The following OTOGL variants were observed in gnomAD, a reference collection of about 807,000 sequenced individuals.
OTOGL encodes otogelin like, also known as otogelin-like protein.
In OTOGL, 285 loss-of-function variants were observed where a neutral mutation model predicts 318.5. That is an observed-to-expected ratio of 0.89 (90% CI 0.81 to 0.99). The LOEUF is 0.99. Ranked by LOEUF, OTOGL falls within the 50% of genes least tolerant of loss-of-function variation. The pLI, the probability that OTOGL is intolerant of heterozygous loss-of-function variation, is 0.00. For missense variants in OTOGL, 2,899 were observed against 2,845.6 expected, an observed-to-expected ratio of 1.02 and a Z score of -0.43; for synonymous variants, 987 against 936.5, an observed-to-expected ratio of 1.05 and a Z score of -0.99.
At chr12:80,312,770 T>C (rs1886716523) in intron 30 of OTOGL, among the ~76,000 whole-genome samples, 1 of 152,094 alleles carries the variant, frequency 6.6e-6, no homozygotes, top group East Asian at 1.9e-4. Flanking sequence ...ACCTAAAAAA[T>C]AAAATACAGC....
At chr12:80,338,562 G>C (rs1888551634) in intron 42 of OTOGL, among the ~76,000 whole-genome samples, 2 of 151,908 alleles carry the variant, frequency 1.3e-5, no homozygotes, top group Non-Finnish European at 2.9e-5. Context: ...TATTTATTTA[G>C]TACATGCTAA....
At chr12:80,214,342 T>C (rs1352136997) in intron 4 of OTOGL, among the ~76,000 whole-genome samples, 2 of 152,260 alleles carry the variant, frequency 1.3e-5, no homozygotes, top group South Asian at 2.1e-4. Flanking sequence ...CTCAGTCTTA[T>C]TGGAGACTTT....
intron 13 of OTOGL, among the ~76,000 whole-genome samples, chr12:80,252,489 T>C (rs1463437871): frequency 6.6e-6 from 1 of 152,204 alleles, no homozygotes; most frequent in Non-Finnish European, 1.5e-5. Context: ...ACAATTTATA[T>C]ATCTTCACTT....
chr12:80,297,668 T>C (rs1262664000), intron 27 of OTOGL, among the ~76,000 whole-genome samples: 1 of 152,118 alleles, frequency 6.6e-6, no homozygotes, highest in Non-Finnish European at 1.5e-5. Flanking sequence ...ATCTAATATG[T>C]CACTCTGGTT....
intron 43 of OTOGL, among the ~76,000 whole-genome samples, chr12:80,339,742 G>C (rs558491668): frequency 1.3e-5 from 2 of 152,044 alleles, no homozygotes; most frequent in South Asian, 4.2e-4. Context: ...AAGTCATCTT[G>C]AAAGAACATA....
At chr12:80,262,567 G>A (rs1325327289) in intron 19 of OTOGL, among the ~76,000 whole-genome samples, 1 of 152,080 alleles carries the variant, frequency 6.6e-6, no homozygotes, top group African/African-American at 2.4e-5. Flanking sequence ...GATCCAAAGA[G>A]GCTTTGTGCC....
intron 49 of OTOGL, 57 bp downstream of exon 49, chr12:80,356,971 T>C: frequency 1.2e-6 from 1 of 835,598 alleles, no homozygotes; most frequent in Non-Finnish European, 1.8e-6. Flanking sequence ...GAAAAAAATC[T>C]CTTATTTGAT....
At chr12:80,281,518 A>G (rs951518326) in intron 26 of OTOGL, among the ~76,000 whole-genome samples, 7 of 151,876 alleles carry the variant, frequency 4.6e-5, no homozygotes, top group Non-Finnish European at 1.0e-4. Context: ...TGTATGTTGC[A>G]CCAAACTGTC....
chr12:80,212,474 T>G (rs1019974563), intron 4 of OTOGL, among the ~76,000 whole-genome samples: 37 of 152,328 alleles, frequency 2.4e-4, no homozygotes, highest in African/African-American at 8.2e-4. Flanking sequence ...TGTGGGTGTC[T>G]CTGAATAGGT....
At chr12:80,162,522 C>A (rs1217198375) in intron 1 of OTOGL, among the ~76,000 whole-genome samples, 1 of 151,984 alleles carries the variant, frequency 6.6e-6, no homozygotes, top group Admixed American at 6.6e-5. Context: ...GTTTTGGAGG[C>A]TAGAAGCTTG....
intron 8 of OTOGL, among the ~76,000 whole-genome samples, chr12:80,231,708 C>A (rs1001333050): frequency 2.6e-5 from 4 of 152,016 alleles, no homozygotes; most frequent in Non-Finnish European, 5.9e-5. Context: ...GATTTCAGCT[C>A]ACCACAACCT....
intron 4 of OTOGL, among the ~76,000 whole-genome samples, chr12:80,212,541 G>A (rs137933283): frequency 1.3e-5 from 2 of 152,218 alleles, no homozygotes; most frequent in Non-Finnish European, 2.9e-5. Flanking sequence ...TCTTGCCCGG[G>A]TGCCTTTATA....
chr12:80,176,577 A>C (rs1254697124), intron 1 of OTOGL, among the ~76,000 whole-genome samples: 1 of 151,996 alleles, frequency 6.6e-6, no homozygotes, highest in African/African-American at 2.4e-5. Context: ...TGCATGTACC[A>C]ATTATTTTTT....
At chr12:80,296,562 C>T (rs945875587) in intron 26 of OTOGL, among the ~76,000 whole-genome samples, 5 of 151,972 alleles carry the variant, frequency 3.3e-5, no homozygotes, top group African/African-American at 1.2e-4. Flanking sequence ...ATGGTTGGTA[C>T]ATTTGAGCTA....
chr12:80,233,704 G>A (rs1879585102), intron 9 of OTOGL, among the ~76,000 whole-genome samples: 1 of 152,242 alleles, frequency 6.6e-6, no homozygotes, highest in South Asian at 2.1e-4. Flanking sequence ...AGTGTGCAAT[G>A]GTGATAGAAT....
At chr12:80,100,678 C>A (rs1273552065) in intron 1 of OTOGL, among the ~76,000 whole-genome samples, 1 of 152,036 alleles carries the variant, frequency 6.6e-6, no homozygotes, top group East Asian at 1.9e-4. Flanking sequence ...TAGAAGTTAA[C>A]CTCTTTTCCT....
Position 80,223,216 on chromosome 12 carries a change from G to T in OTOGL, c.489+971G>T, listed in dbSNP as rs913631391. On this transcript the variant is annotated intron_variant, in intron 7 of 58. Transcript: ENST00000547103. Reference sequence around the variant, plus strand: ...AGGTTGCTGGAAATGCCATTATTTTGTTCCTTTTTATGGCTGAGTAGTATT... The same window carrying T: ...AGGTTGCTGGAAATGCCATTATTTTTTTCCTTTTTATGGCTGAGTAGTATT... 3.2e-4 allele frequency among the ~76,000 whole-genome samples: 49 copies of T among 151,626 alleles called. No individual in the cohort carries two copies. In the South Asian group the frequency reaches 9.6e-3, roughly 30 times the overall value.
intron 29 of OTOGL, among the ~76,000 whole-genome samples, chr12:80,308,122 G>A (rs1332856347): frequency 2.7e-5 from 4 of 149,268 alleles, no homozygotes; most frequent in East Asian, 2.1e-4. Flanking sequence ...CCTCCCGGAC[G>A]GGGCGGCTGG....
At chr12:80,298,593 G>A (rs1444705968) in intron 27 of OTOGL, among the ~76,000 whole-genome samples, 1 of 152,162 alleles carries the variant, frequency 6.6e-6, no homozygotes, top group African/African-American at 2.4e-5. Context: ...TAAAGGATGA[G>A]TAGGCATTAG....
Sources: gnomAD v4.1 joint callset for allele counts (sites outside exome capture counted in the v4.1 genomes callset) on GRCh38, gnomAD v4.1.1 for gene constraint, MANE v1.5 for transcripts, NCBI Gene and HGNC (gene_info 2026-07-23, HGNC 2026-07-21) for gene names.